The following ZZEF1 variants were observed in gnomAD, a reference collection of about 807,000 sequenced individuals.
ZZEF1 encodes zinc finger ZZ-type and EF-hand domain-containing protein 1.
ZZEF1 carries 157 observed loss-of-function variants against 342.8 expected under a neutral mutation model. The observed-to-expected ratio is 0.46, with a 90% CI of 0.40 to 0.52. The LOEUF (loss-of-function observed/expected upper bound fraction) is 0.52. Ranked by LOEUF, ZZEF1 falls within the 20% of genes least tolerant of loss-of-function variation. The probability of loss-of-function intolerance (pLI) is 0.00; values close to 1 mark genes in which losing one functional copy is unlikely to be tolerated. For missense variants in ZZEF1, 3,480 were observed against 3,725.6 expected, an observed-to-expected ratio of 0.93 and a Z score of 1.72; for synonymous variants, 1,505 against 1,429.1, an observed-to-expected ratio of 1.05 and a Z score of -1.20.
rs1403048524 is a variant in ZZEF1 at position 4,042,514 on chromosome 17, G to A, written c.6221C>T (p.Thr2074Ile). 1.2e-6 allele frequency: 2 copies of A among 1,613,980 alleles called. No homozygotes were observed. Among genetic ancestry groups the A allele is most frequent in the Non-Finnish European group, 1.7e-6 (2 of 1,180,018 alleles). The change falls in exon 39 of 55, where the codon ACT (threonine) becomes ATT (isoleucine). Residue 2074 changes from threonine to isoleucine, a missense_variant. This residue lies in a region of ZZEF1 where 1,269 missense variants were observed against 1,342.4 expected (regional missense o/e 0.95). Transcript: ENST00000381638. The stretch of plus-strand genomic sequence containing the variant: ...AGCAAACACTTGCTCAGGGCTTGGA[G>A]TAACTGCTTTTTCCTCTATGGGCTT... Reference protein sequence around the residue: ...SQKPIEEKAVTPSPEQVFAEC... With the variant: ...SQKPIEEKAVIPSPEQVFAEC...
intron 11 of ZZEF1, among the ~76,000 whole-genome samples, 166 bp from the exon 12 acceptor site, chr17:4,090,996 G>A (rs989289315): frequency 1.3e-5 from 2 of 152,224 alleles, no homozygotes; most frequent in African/African-American, 4.8e-5. Flanking sequence ...GAGACAGTTG[G>A]TAGTATTGCC....
intron 16 of ZZEF1, among the ~76,000 whole-genome samples, chr17:4,084,899 G>A (rs2057790621): frequency 1.3e-5 from 2 of 152,330 alleles, no homozygotes; most frequent in East Asian, 1.9e-4. Flanking sequence ...AATCACTTGA[G>A]CCTTGGGCTT....
chr17:4,074,029 A>C, intron 24 of ZZEF1, 121 bp downstream of exon 24: 1 of 1,120,022 alleles, frequency 8.9e-7, no homozygotes, highest in Non-Finnish European at 1.3e-6. Flanking sequence ...GTTTAAAGGA[A>C]ACTGAAAAGG....
chr17:4,022,587 T>G (rs1249664618), intron 44 of ZZEF1, 122 bp downstream of exon 44: 26 of 1,414,606 alleles, frequency 1.8e-5, no homozygotes, highest in Non-Finnish European at 2.5e-5. Context: ...AAGGGAGTTT[T>G]CAACACTGTA....
intron 25 of ZZEF1, 59 bp from the exon 26 acceptor site, chr17:4,070,983 T>C (rs1352881065): frequency 6.4e-7 from 1 of 1,573,596 alleles, no homozygotes; most frequent in Non-Finnish European, 8.6e-7. Context: ...ATAAAATTTA[T>C]TGAGCAAACT....
chr17:4,008,960 G>C lies in ZZEF1; in HGVS notation c.8734-6C>G. 1 of 1,539,948 alleles carries C rather than the reference G, an allele frequency of 6.5e-7. No individual in the cohort carries two copies. Among genetic ancestry groups the C allele is most frequent in the Middle Eastern group, 1.7e-4 (1 of 5,910 alleles). On this transcript the variant is annotated splice_polypyrimidine_tract_variant and splice_region_variant and intron_variant, in intron 53 of 54. Transcript: ENST00000381638. The surrounding 1 kb of genome is among the most constrained non-coding windows in gnomAD (Gnocchi z 4.2). ...TCCTGCAGCACGCCAAGCTCCTGCA[G>C]AGAGAGAGCAGGGGCTGTGAGTGAC... is the stretch of plus-strand genomic sequence containing the variant.
chr17:4,142,557 G>C lies in ZZEF1; in HGVS notation c.339C>G (p.Ser113Arg). 6.2e-6 allele frequency: 10 copies of C among 1,600,918 alleles called. No individual in the cohort carries two copies. Among genetic ancestry groups the C allele is most frequent in the Non-Finnish European group, 8.5e-6 (10 of 1,179,026 alleles). ...CGGCCCTGACCTCCTCGAACTGCTCGCTAGAGCAGCCGGCGCCGCGAGCCT... is the reference window on the plus strand; with the variant it reads ...CGGCCCTGACCTCCTCGAACTGCTCCCTAGAGCAGCCGGCGCCGCGAGCCT... ...LLEARGAGCSSEQFEEAFAQF... is the reference protein window; with the variant it reads ...LLEARGAGCSREQFEEAFAQF... Residue 113 changes from serine (S) to arginine (R), a missense_variant, in exon 1 of 55, where the codon AGC becomes AGG. This residue lies in a region of ZZEF1 where 416 missense variants were observed against 374.2 expected (regional missense o/e 1.11). Transcript: ENST00000381638.
Position 4,096,659 on chromosome 17 carries a change from A to C in ZZEF1, c.1714T>G (p.Phe572Val). ...ETGKTRASTI[F>V]STGTESAFQV... ...AAGGCAGATTCAGTTCCGGTAGAAAAAATAGTGCTGGCTCTGGTTTTTCCA... is the reference window on the plus strand; with the variant it reads ...AAGGCAGATTCAGTTCCGGTAGAAACAATAGTGCTGGCTCTGGTTTTTCCA... Residue 572 changes from phenylalanine to valine, a missense_variant, in exon 10 of 55, where the codon TTT (phenylalanine) becomes GTT (valine). Phe to Val is a conservative substitution (Grantham distance 50, BLOSUM62 -1). Transcript: ENST00000381638. The C allele has an allele frequency of 1.2e-6, 2 of 1,614,142 alleles. No individual in the cohort carries two copies. Among genetic ancestry groups the C allele is most frequent in the Non-Finnish European group, 1.7e-6 (2 of 1,180,012 alleles).
chr17:4,063,123 T>C (rs1266323167), intron 29 of ZZEF1, among the ~76,000 whole-genome samples: 1 of 152,242 alleles, frequency 6.6e-6, no homozygotes, highest in African/African-American at 2.4e-5. Flanking sequence ...TCATGCCAAC[T>C]GTCCAGAAGT....
intron 16 of ZZEF1, among the ~76,000 whole-genome samples, chr17:4,083,472 CACAA>C (rs747012085): frequency 5.8e-4 from 89 of 152,262 alleles, no homozygotes; most frequent in Admixed American, 1.8e-3. Context: ...GCTGGAATTA[CACAA>C]ACAAATATCC....
At chr17:4,066,957 A>G (rs897901292) in intron 27 of ZZEF1, among the ~76,000 whole-genome samples, 15 of 152,220 alleles carry the variant, frequency 9.9e-5, no homozygotes, top group Non-Finnish European at 1.6e-4. Context: ...AGAGGGGTCA[A>G]CTAAATTCTG....
At chr17:4,033,825 T>A (rs1433170763) in intron 40 of ZZEF1, 190 bp downstream of exon 40, 1 of 691,082 alleles carries the variant, frequency 1.4e-6, no homozygotes, top group African/African-American at 1.8e-5. Flanking sequence ...TGTTTTAACG[T>A]TGGTGTTAAG....
chr17:4,074,904 G>C (rs1481496301), intron 23 of ZZEF1, among the ~76,000 whole-genome samples, 193 bp downstream of exon 23: 1 of 152,232 alleles, frequency 6.6e-6, no homozygotes, highest in Non-Finnish European at 1.5e-5. Context: ...GCATGGCTGT[G>C]TTCCAAAAAA....
At chr17:4,105,333 T>C (rs1297755754) in intron 7 of ZZEF1, among the ~76,000 whole-genome samples, 1 of 152,202 alleles carries the variant, frequency 6.6e-6, no homozygotes, top group Non-Finnish European at 1.5e-5. Flanking sequence ...CCAGGTGCCC[T>C]TTCCCAGTTC....
intron 1 of ZZEF1, among the ~76,000 whole-genome samples, chr17:4,130,943 G>A (rs896378614): frequency 6.6e-6 from 1 of 152,160 alleles, no homozygotes; most frequent in Admixed American, 6.5e-5. Flanking sequence ...GACTCGATCA[G>A]CAGTCACATG....
At position 4,117,094 on chromosome 17, in the gene ZZEF1, T is replaced by G; in HGVS notation, c.572A>C (p.His191Pro). 1 of 1,614,178 alleles carries G rather than the reference T, an allele frequency of 6.2e-7. No homozygotes were observed. The highest frequency in any genetic ancestry group is 1.1e-5 in the South Asian group (1 of 91,086). ...IHSSMILRFL[H>P]RNRLSSAVMP... ...CACCGCGCTGGAGAGCCGATTGCGG[T>G]GCAGGAAGCGCAGTATCATTGACGA... The change falls in exon 3 of 55, where the codon CAC becomes CCC. Residue 191 changes from histidine to proline, a missense_variant. Transcript: ENST00000381638.
In ZZEF1 at chr17:4,088,784, T is replaced by A. The variant is rs755822874; in HGVS notation, c.2135A>T (p.Gln712Leu). Reference sequence around the variant, plus strand: ...TCTGCAGTGTGCACAGGTGACGCTCTGTTCTGCTTCTGCTCTTGCAGGCCG... The same window carrying A: ...TCTGCAGTGTGCACAGGTGACGCTCAGTTCTGCTTCTGCTCTTGCAGGCCG... ...YLRPARAEAE[Q>L]SVTCAHCRKD... is the part of the protein sequence containing the mutation. Residue 712 changes from glutamine to leucine, a missense_variant, in exon 13 of 55, where the codon CAG (glutamine) becomes CTG (leucine). By Grantham distance (113) the Gln-to-Leu change is moderately radical. Coordinates refer to ENST00000381638, the MANE Select transcript of ZZEF1 (RefSeq NM_015113.4). 1 of 1,614,236 alleles carries A rather than the reference T, an allele frequency of 6.2e-7. No homozygotes were observed. The highest frequency in any genetic ancestry group is 1.1e-5 in the South Asian group (1 of 91,086).
At chr17:4,122,814 T>C (rs961569417) in intron 2 of ZZEF1, among the ~76,000 whole-genome samples, 9 of 152,214 alleles carry the variant, frequency 5.9e-5, no homozygotes, top group African/African-American at 4.8e-5. Flanking sequence ...GTACAGATAC[T>C]GTGAGACAGA....
chr17:4,126,041 A>G (rs2145563339), intron 1 of ZZEF1, among the ~76,000 whole-genome samples: 1 of 151,962 alleles, frequency 6.6e-6, no homozygotes, highest in Admixed American at 6.6e-5. Context: ...CCTGGCAAAG[A>G]TGGTGAAACC....
Sources: gnomAD v4.1 joint callset for allele counts (sites outside exome capture counted in the v4.1 genomes callset) on GRCh38, gnomAD v4.1.1 for gene constraint, gnomAD v4.1.1 regional missense constraint, Gnocchi (gnomAD v3.1) non-coding constraint, MANE v1.5 for transcripts, NCBI Gene and HGNC (gene_info 2026-07-23, HGNC 2026-07-21) for gene names.